Variants in PXK observed in about 807,000 individuals in gnomAD.
PXK encodes the protein PX domain-containing protein kinase-like protein.
PXK carries 35 observed loss-of-function variants against 84.7 expected under a neutral mutation model. The observed-to-expected ratio is 0.41, with a 90% CI of 0.32 to 0.55. The LOEUF (loss-of-function observed/expected upper bound fraction) is 0.55, where lower values mean the gene tolerates loss of function less well. Among genes scored for constraint, PXK ranks in the 20% least tolerant of loss-of-function variants. The probability of loss-of-function intolerance (pLI) is 0.21; values close to 1 mark genes in which losing one functional copy is unlikely to be tolerated. For missense variants in PXK, 634 were observed against 699.7 expected, an observed-to-expected ratio of 0.91 and a Z score of 1.06; for synonymous variants, 253 against 260.8, an observed-to-expected ratio of 0.97 and a Z score of 0.29.
At chr3:58,335,180 G>A (rs1237855711) in intron 1 of PXK, among the ~76,000 whole-genome samples, 2 of 152,062 alleles carry the variant, frequency 1.3e-5, no homozygotes, top group Non-Finnish European at 2.9e-5. Context: ...TGGCCCTGCA[G>A]ATCTTTTCTT....
chr3:58,340,227 A>G (rs1380717823), intron 1 of PXK, among the ~76,000 whole-genome samples: 2 of 150,672 alleles, frequency 1.3e-5, no homozygotes, highest in Non-Finnish European at 3.0e-5. Flanking sequence ...AGCTCAAACA[A>G]TCCTTCTGCC....
Position 58,382,768 on chromosome 3 carries a change from G to T in PXK, c.388+68G>T, listed in dbSNP as rs1207571067. The T allele has an allele frequency of 3.4e-6, 4 of 1,173,350 alleles. No homozygotes were observed. The East Asian group carries it at 8.3e-5, about 24-fold the overall frequency. 72.7% of individuals were successfully genotyped at this position (1,173,350 alleles called of 1,614,324 possible). On this transcript the variant is annotated intron_variant, in intron 4 of 17. Transcript: ENST00000356151. ...GGCACTGTCCCTTGCTGGAGATAACGTATGTGGGAGAAATGTTTTCTCAAA... is the reference window on the plus strand; with the variant it reads ...GGCACTGTCCCTTGCTGGAGATAACTTATGTGGGAGAAATGTTTTCTCAAA...
chr3:58,418,295 A>C (rs968349714), intron 17 of PXK, among the ~76,000 whole-genome samples: 27 of 152,196 alleles, frequency 1.8e-4, no homozygotes, highest in African/African-American at 6.3e-4. Context: ...CTTCTTATCC[A>C]GTGTGAGTGG....
At chr3:58,344,650 C>G (rs562011949) in intron 1 of PXK, among the ~76,000 whole-genome samples, 16 of 152,118 alleles carry the variant, frequency 1.1e-4, no homozygotes, top group Non-Finnish European at 2.2e-4. Flanking sequence ...ATGGTGAAAC[C>G]CCATCTCTAC....
intron 3 of PXK, among the ~76,000 whole-genome samples, chr3:58,372,986 T>TG (rs1410288008): frequency 1.3e-5 from 2 of 151,854 alleles, no homozygotes; most frequent in Non-Finnish European, 2.9e-5. Context: ...TGTTGGGAAC[T>TG]GGGCAGAGAG....
chr3:58,382,496 T>TG lies in PXK; in HGVS notation c.202-18_202-17insG. On this transcript the variant is annotated splice_polypyrimidine_tract_variant and intron_variant, in intron 3 of 17. Transcript: ENST00000356151. ...TTGTGGATGACATGAGTGTAACTTT[T>TG]TTTTTTTTTTTTTAAAGATTGCAGG... 6.6e-7 allele frequency: 1 copy of TG among 1,508,196 alleles called. No individual in the cohort carries two copies. Among genetic ancestry groups the TG allele is most frequent in the Non-Finnish European group, 8.8e-7 (1 of 1,136,830 alleles). 93.4% of individuals were successfully genotyped at this position (1,508,196 alleles called of 1,614,324 possible). A position where few individuals can be genotyped will look rare whatever the true frequency, so the allele number is the denominator to read the frequency against.
Position 58,398,757 on chromosome 3 carries a change from G to T in PXK, c.1103-542G>T, listed in dbSNP as rs2058116902. Among the ~76,000 whole-genome samples, 1 of 152,172 alleles carries T rather than the reference G, an allele frequency of 6.6e-6. No homozygotes were observed. The highest frequency in any genetic ancestry group is 2.1e-4 in the South Asian group (1 of 4,830). Reference sequence around the variant, plus strand: ...TCCACCCTTCACCAAGCGTTATTGTGTCAAAAGAGGCAATTCAAGAGAACA... The same window carrying T: ...TCCACCCTTCACCAAGCGTTATTGTTTCAAAAGAGGCAATTCAAGAGAACA... On this transcript the variant is annotated intron_variant, in intron 11 of 17. Coordinates refer to ENST00000356151, the MANE Select transcript of PXK (RefSeq NM_017771.5). The surrounding 1 kb of genome is among the most constrained non-coding windows in gnomAD (Gnocchi z 4.5).
At position 58,386,739 on chromosome 3, in the gene PXK, G is replaced by A. The variant is rs182482482; in HGVS notation, c.389-3843G>A. ...AAAAGTCATTTGAACCAGAAATCAAGAGGCCTGTATCATGGTCCCAGCTTT... is the reference window on the plus strand; with the variant it reads ...AAAAGTCATTTGAACCAGAAATCAAAAGGCCTGTATCATGGTCCCAGCTTT... On this transcript the variant is annotated intron_variant, in intron 4 of 17. Coordinates refer to ENST00000356151, the MANE Select transcript of PXK (RefSeq NM_017771.5). Among the ~76,000 whole-genome samples the A allele has an allele frequency of 3.8e-4, 58 of 152,240 alleles. 1 individual carries two copies. The highest frequency in any genetic ancestry group is 3.5e-3 in the Admixed American group (53 of 15,286).
intron 3 of PXK, among the ~76,000 whole-genome samples, chr3:58,374,667 A>G (rs1191589195): frequency 6.6e-6 from 1 of 152,222 alleles, no homozygotes; most frequent in East Asian, 1.9e-4. Context: ...CTAGGAAATC[A>G]GTGGCTTAGA....
At position 58,398,380 on chromosome 3, in the gene PXK, C is replaced by A. The variant is rs1015958997; in HGVS notation, c.1102+658C>A. On this transcript the variant is annotated intron_variant, in intron 11 of 17. Transcript: ENST00000356151. The surrounding 1 kb of genome is among the most constrained non-coding windows in gnomAD (Gnocchi z 4.5). ...CCGAGATTGCGCCACTGCACTCCAG[C>A]CTGGGCGACACAGTAAGACTCTGCC... 2.6e-5 allele frequency among the ~76,000 whole-genome samples: 4 copies of A among 152,154 alleles called. No homozygotes were observed. The highest frequency in any genetic ancestry group is 9.7e-5 in the African/African-American group (4 of 41,428).
Position 58,399,177 on chromosome 3 carries a change from T to C in PXK, c.1103-122T>C. 2.4e-6 allele frequency: 2 copies of C among 822,194 alleles called. No individual in the cohort carries two copies. The highest frequency in any genetic ancestry group is 2.0e-5 in the Admixed American group (1 of 49,392). 50.9% of individuals were successfully genotyped at this position (822,194 alleles called of 1,614,324 possible). Reference sequence around the variant, plus strand: ...TATGCCATCTGTCTGTGTGTGAAGATTTTTGACACTGTCCTGATCAGCCCG... The same window carrying C: ...TATGCCATCTGTCTGTGTGTGAAGACTTTTGACACTGTCCTGATCAGCCCG... On this transcript the variant is annotated intron_variant, in intron 11 of 17. Coordinates refer to ENST00000356151, the MANE Select transcript of PXK (RefSeq NM_017771.5). This position sits in a 1 kb window ranked among gnomAD's most constrained non-coding sequence, Gnocchi z 4.3.
At chr3:58,369,123 G>A (rs909498549) in intron 2 of PXK, among the ~76,000 whole-genome samples, 1 of 152,116 alleles carries the variant, frequency 6.6e-6, no homozygotes, top group African/African-American at 2.4e-5. Context: ...TAGGTGCCTG[G>A]TTAATAAGAA....
In PXK at chr3:58,364,504, G is replaced by A. The variant is rs571234523; in HGVS notation, c.103-1370G>A. Among the ~76,000 whole-genome samples the A allele has an allele frequency of 4.6e-5, 7 of 152,264 alleles. No individual in the cohort carries two copies. The highest frequency in any genetic ancestry group is 9.6e-5 in the African/African-American group (4 of 41,552). On this transcript the variant is annotated intron_variant, in intron 1 of 17. Coordinates refer to ENST00000356151, the MANE Select transcript of PXK (RefSeq NM_017771.5). This position sits in a 1 kb window ranked among gnomAD's most constrained non-coding sequence, Gnocchi z 4.3. ...AGGTGGGCGGATTACTTGAGGTCAG[G>A]AGTTCGAGACCAGCTGGGCCAATAT... is the stretch of plus-strand genomic sequence containing the variant.
chr3:58,349,998 G>A (rs537387169), intron 1 of PXK, among the ~76,000 whole-genome samples: 1 of 152,268 alleles, frequency 6.6e-6, no homozygotes, highest in Non-Finnish European at 1.5e-5. Flanking sequence ...GCTCACTGAG[G>A]TGCAACCGTT....
intron 3 of PXK, among the ~76,000 whole-genome samples, chr3:58,374,008 C>T (rs1471911624): frequency 2.3e-5 from 3 of 127,854 alleles, no homozygotes; most frequent in African/African-American, 8.8e-5. Context: ...TCGCACACTG[C>T]ACTCCAGCCA....
At chr3:58,350,093 G>C (rs886339075) in intron 1 of PXK, among the ~76,000 whole-genome samples, 2 of 152,216 alleles carry the variant, frequency 1.3e-5, no homozygotes, top group African/African-American at 4.8e-5. Context: ...TTGTACAACT[G>C]AAATTAACTA....
intron 13 of PXK, among the ~76,000 whole-genome samples, chr3:58,405,777 CAAA>C (rs547950182): frequency 7.5e-6 from 1 of 133,818 alleles, no homozygotes; most frequent in African/African-American, 2.7e-5. Flanking sequence ...GATTCTGTCT[CAAA>C]AAAAAAAAAG....
rs1212468116 is a variant in PXK, at chr3:58,397,358, G to A, written c.984+158G>A. Among the ~76,000 whole-genome samples the A allele has an allele frequency of 6.6e-6, 1 of 152,208 alleles. No homozygotes were observed. Among genetic ancestry groups the A allele is most frequent in the Admixed American group, 6.5e-5 (1 of 15,282 alleles). ...AGCGTTGCTGTATCTCTGGGAGGCT[G>A]AGTTGAAATGGCGGGTGGGGTAAGG... On this transcript the variant is annotated intron_variant, in intron 10 of 17. Coordinates refer to ENST00000356151, the MANE Select transcript of PXK (RefSeq NM_017771.5). This position sits in a 1 kb window ranked among gnomAD's most constrained non-coding sequence, Gnocchi z 4.7.
At chr3:58,404,082 A>G (rs4399910) in intron 13 of PXK, among the ~76,000 whole-genome samples, 172 bp downstream of exon 13, 45,023 of 152,072 alleles carry the variant, frequency 0.3, 7,424 homozygotes, top group Middle Eastern at 0.39. Context: ...TCTATTTGAT[A>G]ATATAATTAA....
Sources: allele counts gnomAD v4.1 joint callset (sites outside exome capture counted in the v4.1 genomes callset), GRCh38; gene constraint gnomAD v4.1.1; non-coding constraint Gnocchi (gnomAD v3.1); transcripts MANE v1.5; gene names NCBI Gene and HGNC (gene_info 2026-07-23, HGNC 2026-07-21).